Variants in RALYL observed in about 807,000 individuals in gnomAD.
RALYL encodes the protein RNA-binding Raly-like protein.
Under a neutral mutation model 35.1 loss-of-function variants are expected in RALYL, and 29 were observed. The ratio of observed to expected loss-of-function variants is 0.83; its 90% CI spans 0.61 to 1.13. RALYL has a LOEUF of 1.13. Ranked by LOEUF, RALYL falls within the 50% of genes most tolerant of loss-of-function variation. The probability of loss-of-function intolerance (pLI) is 0.00; values close to 1 mark genes in which losing one functional copy is unlikely to be tolerated. For synonymous variants in RALYL, 120 were observed against 127.6 expected, an observed-to-expected ratio of 0.94 and a Z score of 0.40; for missense variants, 359 against 360.4, an observed-to-expected ratio of 1.00 and a Z score of 0.03.
At chr8:84,731,488 T>C (rs1233238370) in intron 2 of RALYL, among the ~76,000 whole-genome samples, 2 of 152,134 alleles carry the variant, frequency 1.3e-5, no homozygotes, top group Non-Finnish European at 2.9e-5. Flanking sequence ...GTCTTTCTCT[T>C]TACCTTCCAT....
chr8:84,676,315 C>T (rs1309150372), intron 2 of RALYL, among the ~76,000 whole-genome samples: 2 of 152,158 alleles, frequency 1.3e-5, no homozygotes, highest in African/African-American at 4.8e-5. Flanking sequence ...TCCAAATAGT[C>T]CCTGAGATTT....
intron 2 of RALYL, among the ~76,000 whole-genome samples, chr8:84,551,515 C>T (rs1022089701): frequency 4.0e-5 from 6 of 151,770 alleles, no homozygotes; most frequent in East Asian, 1.9e-4. Flanking sequence ...CTTTAAAAGA[C>T]GACTTTTGAG....
intron 2 of RALYL, among the ~76,000 whole-genome samples, chr8:84,601,840 T>C (rs144996402): frequency 2.3e-3 from 357 of 152,290 alleles, no homozygotes; most frequent in African/African-American, 5.4e-3. Flanking sequence ...ATTGAGGCTA[T>C]GATGCTATTG....
chr8:84,453,383 T>C (rs2049740620), intron 1 of RALYL, among the ~76,000 whole-genome samples: 1 of 151,940 alleles, frequency 6.6e-6, no homozygotes, highest in South Asian at 2.1e-4. Context: ...AGAAAATATG[T>C]ATATAATGAT....
chr8:84,618,605 CT>C (rs1162856633), intron 2 of RALYL, among the ~76,000 whole-genome samples: 2 of 92,014 alleles, frequency 2.2e-5, no homozygotes, highest in Non-Finnish European at 4.2e-5. Flanking sequence ...CAGTTCTGCT[CT>C]GATTTTAGTT....
chr8:84,227,135 A>G (rs1824109210), intron 1 of RALYL, among the ~76,000 whole-genome samples: 1 of 129,920 alleles, frequency 7.7e-6, no homozygotes, highest in Admixed American at 1.0e-4. Context: ...ATTTCATCTC[A>G]CTGAAACCTC....
chr8:84,427,994 C>G (rs2046689753), intron 1 of RALYL, among the ~76,000 whole-genome samples: 1 of 151,888 alleles, frequency 6.6e-6, no homozygotes, highest in Non-Finnish European at 1.5e-5. Flanking sequence ...TCTCAGATTC[C>G]TTACCTGTAA....
In RALYL at chr8:84,542,590, C is replaced by A. The variant is rs185485738; in HGVS notation, c.256+13013C>A. On this transcript the variant is annotated intron_variant, in intron 2 of 8. Transcript: ENST00000521268. ...AGGGGCTTTTCCCCCTTTTGCTTGCCACATCTTGCTGCCACCATGTGAGGA... is the reference window on the plus strand; with the variant it reads ...AGGGGCTTTTCCCCCTTTTGCTTGCAACATCTTGCTGCCACCATGTGAGGA... 2.6e-4 allele frequency among the ~76,000 whole-genome samples: 40 copies of A among 152,156 alleles called. No homozygotes were observed. The East Asian group carries it at 7.4e-3, about 28-fold the overall frequency.
intron 1 of RALYL, among the ~76,000 whole-genome samples, chr8:84,370,347 G>A (rs939727706): frequency 6.6e-6 from 1 of 151,928 alleles, no homozygotes; most frequent in Admixed American, 6.6e-5. Context: ...TAAAGTAACA[G>A]GATTGTCAAG....
At chr8:84,477,899 G>GT (rs1417277693) in intron 1 of RALYL, among the ~76,000 whole-genome samples, 6 of 151,896 alleles carry the variant, frequency 4.0e-5, no homozygotes, top group Non-Finnish European at 8.8e-5. Context: ...CCATGCAAGT[G>GT]TAAGAATATC....
intron 2 of RALYL, among the ~76,000 whole-genome samples, chr8:84,645,831 AT>A (rs573762665): frequency 2.1e-3 from 314 of 152,096 alleles, no homozygotes; most frequent in Non-Finnish European, 2.8e-3. Context: ...TGTTGGTTTT[AT>A]TTTTGAGAGG....
chr8:84,681,996 C>G (rs555595084), intron 2 of RALYL, among the ~76,000 whole-genome samples: 2 of 152,010 alleles, frequency 1.3e-5, no homozygotes, highest in East Asian at 1.9e-4. Flanking sequence ...TAGCTCTTAT[C>G]ATTTTGAGAT....
intron 2 of RALYL, among the ~76,000 whole-genome samples, chr8:84,606,436 C>T (rs540160037): frequency 2.0e-5 from 3 of 152,160 alleles, no homozygotes; most frequent in Non-Finnish European, 2.9e-5. Flanking sequence ...GAGACACTGT[C>T]GGTACTTTTT....
At position 84,529,433 on chromosome 8, in the gene RALYL, A is replaced by G. The variant is rs778444181; in HGVS notation, c.112A>G (p.Ile38Val). The change falls in exon 2 of 9, where the codon ATT becomes GTT. Residue 38 changes from isoleucine (I) to valine (V), a missense_variant. Transcript: ENST00000521268. ...TACGGCAATTGTCAAGAAAGTTGAC[A>G]TTGAAGCCATTTTTTCAAAGTATGG... ...LNTAIVKKVD[I>V]EAIFSKYGKI... 6.2e-7 allele frequency: 1 copy of G among 1,613,550 alleles called. No individual in the cohort carries two copies. Among genetic ancestry groups the G allele is most frequent in the East Asian group, 2.2e-5 (1 of 44,884 alleles).
intron 2 of RALYL, 65 bp from the exon 3 acceptor site, chr8:84,774,514 T>G (rs1291730494): frequency 9.7e-7 from 1 of 1,027,572 alleles, no homozygotes; most frequent in Non-Finnish European, 1.5e-6. Context: ...TAAAAGTTCA[T>G]GATTTACTTT....
intron 8 of RALYL, among the ~76,000 whole-genome samples, chr8:84,895,339 CAAA>C (rs375792626): frequency 1.9e-5 from 2 of 105,216 alleles, no homozygotes; most frequent in Non-Finnish European, 2.1e-5. Context: ...TGCACTATGA[CAAA>C]AAAAAAAAAA....
chr8:84,371,731 A>G (rs1329985551), intron 1 of RALYL, among the ~76,000 whole-genome samples: 1 of 152,112 alleles, frequency 6.6e-6, no homozygotes, highest in Non-Finnish European at 1.5e-5. Context: ...ATTCATCAAC[A>G]ATTTAGAGAA....
chr8:84,718,210 G>C (rs897850953), intron 2 of RALYL, among the ~76,000 whole-genome samples: 3 of 152,060 alleles, frequency 2.0e-5, no homozygotes, highest in African/African-American at 4.8e-5. Flanking sequence ...TTGAATGAAA[G>C]CATATATTCC....
At chr8:84,195,805 G>A (rs755514432) in intron 1 of RALYL, among the ~76,000 whole-genome samples, 2 of 152,124 alleles carry the variant, frequency 1.3e-5, no homozygotes, top group Non-Finnish European at 2.9e-5. Flanking sequence ...AAGATTTAGA[G>A]CAAATTGTCT....
Sources: allele counts gnomAD v4.1 joint callset (sites outside exome capture counted in the v4.1 genomes callset), GRCh38; gene constraint gnomAD v4.1.1; transcripts MANE v1.5; gene names NCBI Gene and HGNC (gene_info 2026-07-23, HGNC 2026-07-21).